The following B2M variants were observed in gnomAD, a reference collection of about 807,000 sequenced individuals.
B2M encodes beta-2-microglobulin.
Under a neutral mutation model 14.5 loss-of-function variants are expected in B2M, and 3 were observed. The ratio of observed to expected loss-of-function variants is 0.21; its 90% CI spans 0.09 to 0.53. B2M has a LOEUF of 0.53. Among genes scored for constraint, B2M ranks in the 20% least tolerant of loss-of-function variants. The pLI is 0.95. For missense variants in B2M, 107 were observed against 140.8 expected, an observed-to-expected ratio of 0.76 and a Z score of 1.21; for synonymous variants, 45 against 52.7, an observed-to-expected ratio of 0.85 and a Z score of 0.64.
rs2086930729 is a variant in B2M at position 44,715,494 on chromosome 15, G to A, written c.139G>A (p.Val47Met). The A allele has an allele frequency of 1.2e-6, 2 of 1,614,024 alleles. No individual in the cohort carries two copies. The highest frequency in any genetic ancestry group is 1.3e-5 in the African/African-American group (1 of 74,906). ...AAAGTCAAATTTCCTGAATTGCTAT[G>A]TGTCTGGGTTTCATCCATCCGACAT... ...NGKSNFLNCY[V>M]SGFHPSDIEV... The change falls in exon 2 of 4, where the codon GTG becomes ATG. Residue 47 changes from valine to methionine, a missense_variant. Coordinates refer to ENST00000648006, the MANE Select transcript of B2M (RefSeq NM_004048.4).
At position 44,715,562 on chromosome 15, in the gene B2M, G is replaced by A. The variant is rs2141288845; in HGVS notation, c.207G>A (p.Val69=). The A allele has an allele frequency of 6.2e-7, 1 of 1,614,140 alleles. No individual in the cohort carries two copies. The highest frequency in any genetic ancestry group is 8.5e-7 in the Non-Finnish European group (1 of 1,180,028). The change falls in exon 2 of 4, where the codon GTG becomes GTA. Residue 69 remains valine, a synonymous_variant. Coordinates refer to ENST00000648006, the MANE Select transcript of B2M (RefSeq NM_004048.4). ...LLKNGERIEK[V]EHSDLSFSKD... ...AGAATGGAGAGAGAATTGAAAAAGT[G>A]GAGCATTCAGACTTGTCTTTCAGCA...
Position 44,717,695 on chromosome 15 carries a change from T to C in B2M, c.*103T>C, listed in dbSNP as rs2086959209. 1 of 152,400 alleles carries C rather than the reference T, an allele frequency of 6.6e-6. No individual in the cohort carries two copies. The highest frequency in any genetic ancestry group is 1.5e-5 in the Non-Finnish European group (1 of 68,062). 9.4% of individuals were successfully genotyped at this position (152,400 alleles called of 1,614,324 possible). A position where few individuals can be genotyped will look rare whatever the true frequency, so the allele number is the denominator to read the frequency against. On this transcript the variant is annotated 3_prime_UTR_variant, in exon 4 of 4. Transcript: ENST00000648006. ...GATATGCTTATACACTTACACTTTA[T>C]GCACAAAATGTAGGGTTATAATAAT...
At chr15:44,716,391 C>G in intron 3 of B2M, 35 bp downstream of exon 3, 1 of 1,572,322 alleles carries the variant, frequency 6.4e-7, no homozygotes, top group Non-Finnish European at 8.8e-7. Flanking sequence ...GTTTTTGTTT[C>G]ACTGTCCTGA....
chr15:44,715,557 A>G lies in B2M; in HGVS notation c.202A>G (p.Lys68Glu), dbSNP rs767825635. The change falls in exon 2 of 4, where the codon AAA (lysine) becomes GAA (glutamate). Residue 68 changes from lysine (K) to glutamate (E), a missense_variant. By Grantham distance (56) the Lys-to-Glu change is moderately conservative. Transcript: ENST00000648006. The stretch of plus-strand genomic sequence containing the variant: ...ACTGAAGAATGGAGAGAGAATTGAA[A>G]AAGTGGAGCATTCAGACTTGTCTTT... The part of the protein sequence containing the change: ...DLLKNGERIE[K>E]VEHSDLSFSK... The G allele has an allele frequency of 3.7e-6, 6 of 1,614,088 alleles. No homozygotes were observed. The African/African-American group carries it at 4.0e-5, about 11-fold the overall frequency.
chr15:44,714,390 A>T (rs897373880), intron 1 of B2M: 7 of 151,716 alleles, frequency 4.6e-5, no homozygotes, highest in Admixed American at 6.5e-5. Flanking sequence ...GAAATTAGGT[A>T]CAAAGTCAGA....
chr15:44,713,286 C>T (rs2141287234), intron 1 of B2M: 1 of 152,226 alleles, frequency 6.6e-6, no homozygotes, highest in African/African-American at 2.4e-5. Flanking sequence ...ATATCACCAC[C>T]ATTACTGGTA....
chr15:44,716,180 G>A (rs2086939171), intron 2 of B2M, 149 bp from the exon 3 acceptor site: 2 of 882,082 alleles, frequency 2.3e-6, no homozygotes, highest in South Asian at 3.0e-5. Flanking sequence ...TGTTCCTGCT[G>A]GGTAGCTCTA....
At chr15:44,713,000 A>G (rs1464656033) in intron 1 of B2M, 1 of 94,686 alleles carries the variant, frequency 1.1e-5, no homozygotes, top group East Asian at 3.4e-4. Context: ...CTCAAAAAAG[A>G]AAAAAAAAAA....
intron 1 of B2M, chr15:44,714,539 G>C: frequency 6.6e-6 from 1 of 152,236 alleles, no homozygotes; most frequent in East Asian, 1.9e-4. Context: ...CTGATCACTT[G>C]AAGTTGGGAG....
At position 44,711,910 on chromosome 15, in the gene B2M, G is replaced by A. The variant is rs1008663227; in HGVS notation, c.67+297G>A. The A allele has an allele frequency of 1.2e-5, 7 of 564,308 alleles. No homozygotes were observed. In the East Asian group the frequency reaches 1.5e-4, roughly 12 times the overall value. The allele number at this position is 564,308 out of a possible 1,614,324, so 35.0% of individuals were successfully genotyped here. On this transcript the variant is annotated intron_variant, in intron 1 of 3. Coordinates refer to ENST00000648006, the MANE Select transcript of B2M (RefSeq NM_004048.4). Reference sequence around the variant, plus strand: ...GTTTAGGGCGTCGATAAGCGTCAGAGCGCCGAGGTTGGGGGAGGGTTTCTC... The same window carrying A: ...GTTTAGGGCGTCGATAAGCGTCAGAACGCCGAGGTTGGGGGAGGGTTTCTC...
At chr15:44,712,238 G>A (rs2086882998) in intron 1 of B2M, among the ~76,000 whole-genome samples, 1 of 152,240 alleles carries the variant, frequency 6.6e-6, no homozygotes, top group Admixed American at 6.5e-5. Flanking sequence ...GTGATACAAA[G>A]CGGTTTCGAA....
intron 2 of B2M, 87 bp from the exon 3 acceptor site, chr15:44,716,242 T>C: frequency 6.8e-7 from 1 of 1,474,506 alleles, no homozygotes; most frequent in Non-Finnish European, 9.5e-7. Context: ...GCCTTATTTC[T>C]AACCATTTTA....
Position 44,715,465 on chromosome 15 carries a change from A to G in B2M, c.110A>G (p.Asn37Ser), listed in dbSNP as rs758354239. 2.5e-6 allele frequency: 4 copies of G among 1,614,172 alleles called. No individual in the cohort carries two copies. The highest frequency in any genetic ancestry group is 2.5e-6 in the Non-Finnish European group (3 of 1,180,010). Reference protein sequence around the residue: ...IQVYSRHPAENGKSNFLNCYV... With the variant: ...IQVYSRHPAESGKSNFLNCYV... ...GTTTACTCACGTCATCCAGCAGAGA[A>G]TGGAAAGTCAAATTTCCTGAATTGC... Residue 37 changes from asparagine (N) to serine (S), a missense_variant, in exon 2 of 4, where the codon AAT (asparagine) becomes AGT (serine). Transcript: ENST00000648006.
At chr15:44,711,950 G>A (rs1203635663) in intron 1 of B2M, 19 of 473,770 alleles carry the variant, frequency 4.0e-5, no homozygotes, top group Non-Finnish European at 6.6e-5. Flanking sequence ...GCTCTTTCGC[G>A]GGGCCTCTGG....
chr15:44,715,201 T>C, intron 1 of B2M: 1 of 618,236 alleles, frequency 1.6e-6, no homozygotes, highest in Non-Finnish European at 2.9e-6. Context: ...AAAAGGCATG[T>C]ATAGAGGAAT....
intron 1 of B2M, chr15:44,714,497 G>A (rs1436504965): frequency 6.6e-6 from 1 of 152,170 alleles, no homozygotes; most frequent in African/African-American, 2.4e-5. Flanking sequence ...GCTCGTGCCT[G>A]TAATCCCAAC....
At chr15:44,716,494 G>T in intron 3 of B2M, 138 bp downstream of exon 3, 1 of 982,468 alleles carries the variant, frequency 1.0e-6, no homozygotes, top group South Asian at 1.4e-5. Flanking sequence ...GAATCCTACA[G>T]GGTCATGTTC....
Position 44,711,580 on chromosome 15 carries a change from C to T in B2M, c.34C>T (p.Leu12=), listed in dbSNP as rs11553033. 1 of 1,613,996 alleles carries T rather than the reference C, an allele frequency of 6.2e-7. No homozygotes were observed. The change falls in exon 1 of 4, where the codon CTA becomes TTA. Residue 12 remains leucine (L), a synonymous_variant. Transcript: ENST00000648006. The stretch of plus-strand genomic sequence containing the variant: ...CTCCGTGGCCTTAGCTGTGCTCGCG[C>T]TACTCTCTCTTTCTGGCCTGGAGGC... The part of the protein sequence containing the change: ...SRSVALAVLA[L]LSLSGLEAIQ...
At position 44,715,612 on chromosome 15, in the gene B2M, A is replaced by G. The variant is rs1374733733; in HGVS notation, c.257A>G (p.Tyr86Cys). The stretch of plus-strand genomic sequence containing the variant: ...AAGGACTGGTCTTTCTATCTCTTGT[A>G]CTACACTGAATTCACCCCCACTGAA... Reference protein sequence around the residue: ...FSKDWSFYLLYYTEFTPTEKD... With the variant: ...FSKDWSFYLLCYTEFTPTEKD... The change falls in exon 2 of 4, where the codon TAC (tyrosine) becomes TGC (cysteine). Residue 86 changes from tyrosine to cysteine, a missense_variant. Tyr to Cys is a radical substitution (Grantham distance 194). Coordinates refer to ENST00000648006, the MANE Select transcript of B2M (RefSeq NM_004048.4). 1 of 1,614,058 alleles carries G rather than the reference A, an allele frequency of 6.2e-7. No individual in the cohort carries two copies. Among genetic ancestry groups the G allele is most frequent in the Non-Finnish European group, 8.5e-7 (1 of 1,180,034 alleles).
Sources: gnomAD v4.1 joint callset for allele counts (sites outside exome capture counted in the v4.1 genomes callset) on GRCh38, gnomAD v4.1.1 for gene constraint, MANE v1.5 for transcripts, NCBI Gene and HGNC (gene_info 2026-07-23, HGNC 2026-07-21) for gene names.